The following CWH43 variants were observed in gnomAD, a reference collection of about 807,000 sequenced individuals.
CWH43 encodes PGAP2-interacting protein.
Under a neutral mutation model 85.7 loss-of-function variants are expected in CWH43, and 91 were observed. That is an observed-to-expected ratio of 1.06 (90% CI 0.90 to 1.26). The LOEUF (loss-of-function observed/expected upper bound fraction) is 1.26. Among genes scored for constraint, CWH43 ranks in the 50% most tolerant of loss-of-function variants. The probability of loss-of-function intolerance (pLI) is 0.00; values close to 1 mark genes in which losing one functional copy is unlikely to be tolerated. For synonymous variants in CWH43, 323 were observed against 293.6 expected (o/e 1.10, Z -1.02); for missense variants, 869 against 839.2 (o/e 1.04, Z -0.44).
chr4:49,041,008 C>T (rs1321303587), intron 13 of CWH43, among the ~76,000 whole-genome samples: 1 of 152,186 alleles, frequency 6.6e-6, no homozygotes, highest in Non-Finnish European at 1.5e-5. Context: ...GGAATCCTTT[C>T]CCCATGGCTT....
intron 9 of CWH43, among the ~76,000 whole-genome samples, chr4:49,019,195 A>G (rs1380969407): frequency 1.3e-5 from 2 of 152,306 alleles, no homozygotes; most frequent in Admixed American, 6.5e-5. Context: ...TTAGAGAACA[A>G]ATAAAGAAAT....
At position 49,038,172 on chromosome 4, in the gene CWH43, A is replaced by T; in HGVS notation, c.1795A>T (p.Asn599Tyr). The T allele has an allele frequency of 6.4e-7, 1 of 1,571,510 alleles. No homozygotes were observed. Among genetic ancestry groups the T allele is most frequent in the Non-Finnish European group, 8.6e-7 (1 of 1,159,772 alleles). ...TTATCTACAGCTCACTGAACATGGC[A>T]ATGTGAAGGTAACATAATCTTAATA... is the stretch of plus-strand genomic sequence containing the variant. ...RDYLQLTEHG[N>Y]VKDIDSTDHD... The change falls in exon 13 of 16, where the codon AAT becomes TAT. Residue 599 changes from asparagine (N) to tyrosine (Y), a missense_variant. Physicochemically the swap from Asn to Tyr is moderately radical, Grantham distance 143. Around this residue, in one of 3 missense-constraint regions of CWH43, gnomAD observed 577 missense variants for 513.1 expected, o/e 1.12. Transcript: ENST00000226432.
chr4:49,061,673 T>G, intron 15 of CWH43, 139 bp from the exon 16 acceptor site: 1 of 710,104 alleles, frequency 1.4e-6, no homozygotes, highest in East Asian at 4.9e-5. Flanking sequence ...AAATTTTAGT[T>G]TGCCTTTCCT....
chr4:48,989,172 G>A lies in CWH43; in HGVS notation c.235+504G>A, dbSNP rs541047366. ...ATAAAAAGAGACCAACAAATCAATAGAAAAGGGGGCACAGGATCTGATCAG... is the reference window on the plus strand; with the variant it reads ...ATAAAAAGAGACCAACAAATCAATAAAAAAGGGGGCACAGGATCTGATCAG... On this transcript the variant is annotated intron_variant, in intron 2 of 15. Transcript: ENST00000226432. Among the ~76,000 whole-genome samples, 14 of 152,254 alleles carry A rather than the reference G, an allele frequency of 9.2e-5. No individual in the cohort carries two copies. The East Asian group carries it at 2.7e-3, about 29-fold the overall frequency.
intron 9 of CWH43, 57 bp from the exon 10 acceptor site, chr4:49,028,572 C>T: frequency 8.3e-7 from 1 of 1,204,564 alleles, no homozygotes; most frequent in East Asian, 2.4e-5. Context: ...AAAAGTGGGT[C>T]ACTGAAACTG....
Position 48,992,874 on chromosome 4 carries a change from A to C in CWH43, c.511+784A>C, listed in dbSNP as rs1466066401. On this transcript the variant is annotated intron_variant, in intron 4 of 15. Transcript: ENST00000226432. The surrounding 1 kb of genome is among the most constrained non-coding windows in gnomAD (Gnocchi z 4.3). Reference sequence around the variant, plus strand: ...TTCCCCCTGTGGCCCCTAGTTTGGCATGAAATGAGAATAGAGGGAAATTAT... The same window carrying C: ...TTCCCCCTGTGGCCCCTAGTTTGGCCTGAAATGAGAATAGAGGGAAATTAT... Among the ~76,000 whole-genome samples the C allele has an allele frequency of 4.6e-5, 7 of 152,212 alleles. No individual in the cohort carries two copies. Among genetic ancestry groups the C allele is most frequent in the Admixed American group, 4.6e-4 (7 of 15,290 alleles).
At chr4:48,990,250 A>T (rs1305865347) in intron 2 of CWH43, among the ~76,000 whole-genome samples, 1 of 152,164 alleles carries the variant, frequency 6.6e-6, no homozygotes, top group African/African-American at 2.4e-5. Flanking sequence ...CATCCCCTTG[A>T]GCAGAAGTAG....
rs150565985 is a variant in CWH43 at position 48,991,225 on chromosome 4, C to T, written c.236-229C>T. 4.5e-3 allele frequency among the ~76,000 whole-genome samples: 683 copies of T among 152,072 alleles called. 13 individuals carry two copies. The highest frequency in any genetic ancestry group is 1.6e-3 in the Non-Finnish European group (108 of 67,982). ...GAATTAGATAATGGTGATTGTTGCA[C>T]GACTTTATGAGTATACTAAAAACCA... On this transcript the variant is annotated intron_variant, in intron 2 of 15. Coordinates refer to ENST00000226432, the MANE Select transcript of CWH43 (RefSeq NM_025087.3).
At position 48,988,657 on chromosome 4, in the gene CWH43, T is replaced by C; in HGVS notation, c.224T>C (p.Ile75Thr). 1.2e-6 allele frequency: 2 copies of C among 1,600,310 alleles called. No individual in the cohort carries two copies. The highest frequency in any genetic ancestry group is 1.1e-5 in the South Asian group (1 of 88,276). Residue 75 changes from isoleucine (I) to threonine (T), a missense_variant, in exon 2 of 16, where the codon ATA becomes ACA. Coordinates refer to ENST00000226432, the MANE Select transcript of CWH43 (RefSeq NM_025087.3). Reference sequence around the variant, plus strand: ...AAGTGGATGCTAACCCTGCTGAGGATAATCACTATTGGTAAGATTTAAAAG... The same window carrying C: ...AAGTGGATGCTAACCCTGCTGAGGACAATCACTATTGGTAAGATTTAAAAG... ...NKKWMLTLLRIITIGSIASFQ... is the reference protein window; with the variant it reads ...NKKWMLTLLRTITIGSIASFQ...
At chr4:49,050,919 CA>C in intron 15 of CWH43, 70 bp downstream of exon 15, 1 of 1,052,050 alleles carries the variant, frequency 9.5e-7, no homozygotes, top group Non-Finnish European at 1.4e-6. Context: ...CATATTACCT[CA>C]AAATGAGCTA....
At chr4:48,987,069 C>T (rs551883054) in intron 1 of CWH43, among the ~76,000 whole-genome samples, 71 of 152,182 alleles carry the variant, frequency 4.7e-4, no homozygotes, top group Admixed American at 2.6e-3. Flanking sequence ...TCTGTCGGAG[C>T]TGTGTGAGTA....
At chr4:49,058,775 T>C (rs1785048265) in intron 15 of CWH43, among the ~76,000 whole-genome samples, 1 of 152,228 alleles carries the variant, frequency 6.6e-6, no homozygotes. Context: ...GCACTTTGAA[T>C]ACATCATCTC....
At chr4:48,996,914 T>C (rs1291371775) in intron 5 of CWH43, among the ~76,000 whole-genome samples, 3 of 152,254 alleles carry the variant, frequency 2.0e-5, no homozygotes, top group Non-Finnish European at 4.4e-5. Flanking sequence ...AACTGTGTTC[T>C]GTGAGATGCT....
chr4:49,056,185 G>A (rs972528601), intron 15 of CWH43, among the ~76,000 whole-genome samples: 4 of 149,606 alleles, frequency 2.7e-5, no homozygotes, highest in South Asian at 2.1e-4. Flanking sequence ...TTGTTCTTGC[G>A]ATAGTTTACT....
intron 8 of CWH43, among the ~76,000 whole-genome samples, chr4:49,014,012 G>A (rs1783449980): frequency 6.6e-6 from 1 of 152,204 alleles, no homozygotes; most frequent in African/African-American, 2.4e-5. Context: ...CAAGGACTTG[G>A]TGCTTTACAA....
chr4:49,056,184 C>A (rs371289521), intron 15 of CWH43, among the ~76,000 whole-genome samples: 2 of 148,276 alleles, frequency 1.3e-5, no homozygotes, highest in Admixed American at 6.8e-5. Context: ...TTTGTTCTTG[C>A]GATAGTTTAC....
chr4:49,031,520 A>G lies in CWH43; in HGVS notation c.1508+560A>G, dbSNP rs559913733. ...TGGTGTGCCTGGAGCATGGGGGGCC[A>G]AAGAGCAACTGGTAAGAAAGGAAGT... On this transcript the variant is annotated intron_variant, in intron 11 of 15. Transcript: ENST00000226432. Among the ~76,000 whole-genome samples, 15 of 152,272 alleles carry G rather than the reference A, an allele frequency of 9.9e-5. No individual in the cohort carries two copies. The East Asian group carries it at 2.9e-3, about 29-fold the overall frequency.
At chr4:49,002,443 C>T (rs1199319492) in intron 6 of CWH43, among the ~76,000 whole-genome samples, 1 of 152,080 alleles carries the variant, frequency 6.6e-6, no homozygotes, top group Non-Finnish European at 1.5e-5. Context: ...AGCATATAGT[C>T]TTTAATATGT....
chr4:49,020,453 G>T (rs6852792), intron 9 of CWH43, among the ~76,000 whole-genome samples: 1,452 of 141,070 alleles, frequency 0.01, 17 homozygotes, highest in African/African-American at 0.031. Context: ...TTATCCACTT[G>T]TTGATTGATG....
Sources: allele counts gnomAD v4.1 joint callset (sites outside exome capture counted in the v4.1 genomes callset), GRCh38; gene constraint gnomAD v4.1.1; regional missense constraint gnomAD v4.1.1; non-coding constraint Gnocchi (gnomAD v3.1); transcripts MANE v1.5; gene names NCBI Gene and HGNC (gene_info 2026-07-23, HGNC 2026-07-21).